Variants in FAM107B observed in about 807,000 individuals in gnomAD.
FAM107B encodes the protein protein FAM107B.
In FAM107B, 21 loss-of-function variants were observed where a neutral mutation model predicts 31.5. The observed-to-expected ratio is 0.67, with a 90% CI of 0.47 to 0.96. The LOEUF (loss-of-function observed/expected upper bound fraction) is 0.96. Among genes scored for constraint, FAM107B ranks in the 40% least tolerant of loss-of-function variants. The pLI, the probability that FAM107B is intolerant of heterozygous loss-of-function variation, is 0.00. For synonymous variants in FAM107B, 157 were observed against 141.5 expected (o/e 1.11, Z -0.78); for missense variants, 452 against 377.1 (o/e 1.20, Z -1.64).
intron 1 of FAM107B, among the ~76,000 whole-genome samples, chr10:14,755,496 CAAAAAAA>C (rs561070511): frequency 8.8e-6 from 1 of 113,838 alleles, no homozygotes; most frequent in Admixed American, 9.4e-5. Context: ...GATTCTGTCT[CAAAAAAA>C]AAAAAAAGAA....
chr10:14,674,770 T>C (rs1854641848), intron 1 of FAM107B, among the ~76,000 whole-genome samples: 1 of 152,204 alleles, frequency 6.6e-6, no homozygotes, highest in African/African-American at 2.4e-5. Context: ...GCTCTCGCTC[T>C]GTTGCCCAGG....
At chr10:14,628,114 T>TTTTTTTTGTTTTTTTTG (rs1554841909) in intron 2 of FAM107B, among the ~76,000 whole-genome samples, 1 of 103,578 alleles carries the variant, frequency 9.7e-6, no homozygotes, top group African/African-American at 4.2e-5. Flanking sequence ...TTTTGCTGGT[T>TTTTTTTTGTTTTTTTTG]TTTTTTTTTT....
At chr10:14,612,329 T>C (rs1852745476) in intron 2 of FAM107B, among the ~76,000 whole-genome samples, 1 of 152,228 alleles carries the variant, frequency 6.6e-6, no homozygotes, top group African/African-American at 2.4e-5. Flanking sequence ...TTAATAAAAG[T>C]TGGAACTTTA....
Position 14,530,377 on chromosome 10 carries a change from C to T in FAM107B, c.608G>A (p.Arg203Gln), listed in dbSNP as rs1564528553. 1.1e-5 allele frequency: 17 copies of T among 1,613,726 alleles called. No homozygotes were observed. The East Asian group carries it at 1.8e-4, about 17-fold the overall frequency. ...TTCTCTGTGAAGATCTTGATGGTTC[C>T]GGGAGGTTTTTACAGGATTGATCAG... ...QKLINPVKTSRNHQDLHRELL... is the reference protein window; with the variant it reads ...QKLINPVKTSQNHQDLHRELL... The change falls in exon 3 of 5, where the codon CGG becomes CAG. Residue 203 changes from arginine to glutamine, a missense_variant. Arg to Gln is a conservative substitution (Grantham distance 43). Coordinates refer to ENST00000181796, the MANE Select transcript of FAM107B (RefSeq NM_031453.4).
intron 1 of FAM107B, among the ~76,000 whole-genome samples, chr10:14,701,211 C>T (rs1054505671): frequency 2.0e-5 from 3 of 151,786 alleles, no homozygotes; most frequent in African/African-American, 7.3e-5. Context: ...CAGGCAGAAA[C>T]TCTTCATTTT....
chr10:14,660,177 T>C (rs1219417238), intron 2 of FAM107B, among the ~76,000 whole-genome samples: 1 of 152,180 alleles, frequency 6.6e-6, no homozygotes, highest in East Asian at 1.9e-4. Flanking sequence ...GTGTAATCTT[T>C]GAGGTCCTGG....
chr10:14,525,967 G>A (rs940257141), intron 3 of FAM107B, among the ~76,000 whole-genome samples: 1 of 152,102 alleles, frequency 6.6e-6, no homozygotes, highest in East Asian at 1.9e-4. Flanking sequence ...CAGACGGGGC[G>A]AGTCCCCATT....
intron 2 of FAM107B, among the ~76,000 whole-genome samples, chr10:14,599,261 G>A (rs1293869170): frequency 6.6e-6 from 1 of 152,044 alleles, no homozygotes; most frequent in Non-Finnish European, 1.5e-5. Flanking sequence ...TAAGTCTCCC[G>A]ACTGCTAAGG....
chr10:14,608,704 G>A (rs1852654677), intron 2 of FAM107B, among the ~76,000 whole-genome samples: 1 of 152,188 alleles, frequency 6.6e-6, no homozygotes, highest in African/African-American at 2.4e-5. Flanking sequence ...AGCGTTATGG[G>A]TCTAGAAGAA....
At chr10:14,552,439 C>T (rs1014401942) in intron 2 of FAM107B, among the ~76,000 whole-genome samples, 2 of 150,222 alleles carry the variant, frequency 1.3e-5, no homozygotes, top group African/African-American at 4.9e-5. Context: ...TATCTATATA[C>T]AGTGATCCAC....
In FAM107B at chr10:14,548,482, A is replaced by G. The variant is rs192278965; in HGVS notation, c.470-17967T>C. 1.9e-4 allele frequency: 191 copies of G among 985,664 alleles called. 3 individuals carry two copies. In the East Asian group the frequency reaches 0.017, roughly 87 times the overall value. The allele number at this position is 985,664 out of a possible 1,614,324, so 61.1% of individuals were successfully genotyped here. On this transcript the variant is annotated intron_variant, in intron 2 of 4. Coordinates refer to ENST00000181796, the MANE Select transcript of FAM107B (RefSeq NM_031453.4). ...GAAGCGCAGGGCTCCTCTGCAGTTC[A>G]CACGAGAATGCTGGAGTTGGCCCAG...
chr10:14,562,510 A>G (rs2131184708), intron 2 of FAM107B, among the ~76,000 whole-genome samples: 1 of 152,342 alleles, frequency 6.6e-6, no homozygotes, highest in African/African-American at 2.4e-5. Context: ...ATTATCAACT[A>G]TATCATAAGA....
intron 1 of FAM107B, among the ~76,000 whole-genome samples, chr10:14,673,326 T>C (rs1316668135): frequency 2.6e-5 from 4 of 152,224 alleles, no homozygotes; most frequent in Non-Finnish European, 5.9e-5. Context: ...ACCACTGTTC[T>C]CCTCTCCACT....
At chr10:14,686,297 G>A (rs560913004) in intron 1 of FAM107B, among the ~76,000 whole-genome samples, 3 of 151,922 alleles carry the variant, frequency 2.0e-5, no homozygotes, top group Admixed American at 1.3e-4. Context: ...GCTGAGGTAG[G>A]AGAATCACTT....
At chr10:14,616,328 G>T (rs1852849156) in intron 2 of FAM107B, among the ~76,000 whole-genome samples, 1 of 152,122 alleles carries the variant, frequency 6.6e-6, no homozygotes, top group Non-Finnish European at 1.5e-5. Flanking sequence ...AAACACCACA[G>T]AAATGAAAAG....
chr10:14,546,281 T>C (rs889161632), intron 2 of FAM107B, among the ~76,000 whole-genome samples: 1 of 152,196 alleles, frequency 6.6e-6, no homozygotes, highest in African/African-American at 2.4e-5. Flanking sequence ...TGGAGTCTGG[T>C]CCACTCTTCA....
chr10:14,673,286 C>T (rs1854603125), intron 1 of FAM107B, among the ~76,000 whole-genome samples: 1 of 152,096 alleles, frequency 6.6e-6, no homozygotes, highest in Non-Finnish European at 1.5e-5. Flanking sequence ...CCCTATTTTT[C>T]CTTCCCCCTA....
intron 2 of FAM107B, among the ~76,000 whole-genome samples, chr10:14,580,696 A>T (rs1851607683): frequency 6.6e-6 from 1 of 152,224 alleles, no homozygotes; most frequent in Non-Finnish European, 1.5e-5. Context: ...GTTTTATTAA[A>T]AAAAAAAAAC....
At position 14,752,963 on chromosome 10, in the gene FAM107B, G is replaced by C. The variant is rs150662516; in HGVS notation, c.411+21290C>G. 1.1e-4 allele frequency among the ~76,000 whole-genome samples: 17 copies of C among 151,738 alleles called. No individual in the cohort carries two copies. In the East Asian group the frequency reaches 2.3e-3, roughly 21 times the overall value. On this transcript the variant is annotated intron_variant, in intron 1 of 4. Coordinates refer to ENST00000181796, the MANE Select transcript of FAM107B (RefSeq NM_031453.4). ...AAAAAAAATGACTCATAAAAGCTTA[G>C]CCATTCAAATAGCACATTGTATAAG...
Sources: allele counts gnomAD v4.1 joint callset (sites outside exome capture counted in the v4.1 genomes callset), GRCh38; gene constraint gnomAD v4.1.1; transcripts MANE v1.5; gene names NCBI Gene and HGNC (gene_info 2026-07-23, HGNC 2026-07-21).